The following ABCA9 variants were observed in gnomAD, a reference collection of about 807,000 sequenced individuals.
ABCA9 encodes the protein ATP-binding cassette sub-family A member 9.
A neutral mutation model predicts 205.3 loss-of-function variants in ABCA9; 183 were observed. That is an observed-to-expected ratio of 0.89 (90% CI 0.79 to 1.01). The LOEUF (loss-of-function observed/expected upper bound fraction) is 1.01. Among genes scored for constraint, ABCA9 ranks in the 50% least tolerant of loss-of-function variants. The pLI is 0.00. For synonymous variants in ABCA9, 651 were observed against 683.3 expected, an observed-to-expected ratio of 0.95 and a Z score of 0.74; for missense variants, 1,805 against 1,912.4, an observed-to-expected ratio of 0.94 and a Z score of 1.05.
intron 6 of ABCA9, among the ~76,000 whole-genome samples, chr17:69,041,397 C>A (rs1409316676): frequency 6.6e-6 from 1 of 151,936 alleles, no homozygotes; most frequent in East Asian, 1.9e-4. Flanking sequence ...TTCTATAATT[C>A]TTTGTATATC....
chr17:69,020,870 A>T (rs1362321558), intron 18 of ABCA9: 2 of 296,310 alleles, frequency 6.7e-6, no homozygotes, highest in African/African-American at 2.2e-5. Context: ...AAAAAAACTC[A>T]TTAAGAAATC....
chr17:69,007,650 A>C (rs1316638584), intron 25 of ABCA9, 109 bp downstream of exon 25: 2 of 684,714 alleles, frequency 2.9e-6, no homozygotes, highest in Non-Finnish European at 5.0e-6. Context: ...GAAGAATTAA[A>C]ATTTTCTAGA....
chr17:69,004,216 T>A (rs1382223144), intron 25 of ABCA9, among the ~76,000 whole-genome samples: 1 of 152,188 alleles, frequency 6.6e-6, no homozygotes, highest in Non-Finnish European at 1.5e-5. Flanking sequence ...GTTTCCAGTT[T>A]TTCTGTTCTG....
intron 36 of ABCA9, 94 bp downstream of exon 36, chr17:68,983,615 A>C (rs2069132962): frequency 6.6e-7 from 1 of 1,512,548 alleles, no homozygotes; most frequent in East Asian, 2.3e-5. Flanking sequence ...CATAGAGTTA[A>C]AGAACGAGAA....
At chr17:68,996,237 C>T (rs2144071410) in intron 25 of ABCA9, among the ~76,000 whole-genome samples, 1 of 152,332 alleles carries the variant, frequency 6.6e-6, no homozygotes, top group South Asian at 2.1e-4. Context: ...TTCTCAATCT[C>T]AATGGCATAC....
rs374512087 is a variant in ABCA9, at chr17:68,975,986, C to T, written c.4804G>A (p.Glu1602Lys). ...QVFLELSKEQ[E>K]LGDLEEDFDP... ...AAGTCCTCTTCAAGATCACCCAGCT[C>T]CTGCTCCTTGGAGAGCTCCAGGAAA... is the stretch of plus-strand genomic sequence containing the variant. Residue 1602 changes from glutamate to lysine, a missense_variant, in exon 39 of 39, where the codon GAG (glutamate) becomes AAG (lysine). Coordinates refer to ENST00000340001, the MANE Select transcript of ABCA9 (RefSeq NM_080283.4). The T allele has an allele frequency of 3.7e-6, 6 of 1,613,760 alleles. No homozygotes were observed. The highest frequency in any genetic ancestry group is 3.3e-5 in the South Asian group (3 of 90,998).
At chr17:69,062,021 C>G (rs1253141066), upstream of ABCA9, among the ~76,000 whole-genome samples, 3 of 152,040 alleles carry the variant, frequency 2.0e-5, no homozygotes, top group African/African-American at 7.3e-5. Flanking sequence ...ATTTCCCATT[C>G]TCTCAATATT....
intron 25 of ABCA9, 145 bp from the exon 26 acceptor site, chr17:68,996,159 G>T: frequency 1.3e-6 from 1 of 782,670 alleles, no homozygotes; most frequent in African/African-American, 1.7e-5. Flanking sequence ...TCTTTCCTTT[G>T]CAACATGGAA....
intron 6 of ABCA9, among the ~76,000 whole-genome samples, chr17:69,038,904 A>C (rs1301940888): frequency 6.6e-6 from 1 of 152,094 alleles, no homozygotes; most frequent in African/African-American, 2.4e-5. Context: ...ACAATCACAA[A>C]CATTCCTATA....
At chr17:69,010,826 A>G (rs945401397) in intron 23 of ABCA9, among the ~76,000 whole-genome samples, 3 of 152,200 alleles carry the variant, frequency 2.0e-5, no homozygotes, top group African/African-American at 4.8e-5. Flanking sequence ...GATAATGCGA[A>G]AATTTTATGC....
Position 69,021,816 on chromosome 17 carries a change from T to C in ABCA9, c.2327A>G (p.Asp776Gly). ...LDRCSNQGIE[D>G]YGVSITTLNE... The stretch of plus-strand genomic sequence containing the variant: ...CAAAGTTGTTATGGAAACACCATAA[T>C]CCTCAATGCCTTGGTTAGAACATCT... Residue 776 changes from aspartate (D) to glycine (G), a missense_variant, in exon 18 of 39, where the codon GAT (aspartate) becomes GGT (glycine). Coordinates refer to ENST00000340001, the MANE Select transcript of ABCA9 (RefSeq NM_080283.4). 1 of 1,596,054 alleles carries C rather than the reference T, an allele frequency of 6.3e-7. No individual in the cohort carries two copies.
rs1471487448 is a variant in ABCA9, at chr17:69,035,400, A to G, written c.974T>C (p.Ile325Thr). 1.9e-6 allele frequency: 3 copies of G among 1,601,768 alleles called. No individual in the cohort carries two copies. The highest frequency in any genetic ancestry group is 2.7e-5 in the African/African-American group (2 of 74,438). The change falls in exon 8 of 39, where the codon ATA (isoleucine) becomes ACA (threonine). Residue 325 changes from isoleucine to threonine, a missense_variant. Transcript: ENST00000340001. ...ITLAFLMSVL[I>T]KKPFLTGLVV... ...CAAGCCCGTAAGGAAAGGTTTCTTTATCAACACACTCATCAGGAAAGCTAA... is the reference window on the plus strand; with the variant it reads ...CAAGCCCGTAAGGAAAGGTTTCTTTGTCAACACACTCATCAGGAAAGCTAA...
Position 69,026,358 on chromosome 17 carries a change from C to T in ABCA9, c.2141+19G>A, listed in dbSNP as rs752169307. 8.7e-6 allele frequency: 14 copies of T among 1,602,190 alleles called. No individual in the cohort carries two copies. Among genetic ancestry groups the T allele is most frequent in the Admixed American group, 6.8e-5 (4 of 59,150 alleles). ...ATTTTCAGCATCTGTCAACACGTCT[C>T]CAACATTCAGGGCTGTACCTTAAAT... On this transcript the variant is annotated intron_variant, in intron 16 of 38. Coordinates refer to ENST00000340001, the MANE Select transcript of ABCA9 (RefSeq NM_080283.4).
chr17:69,060,997 G>A (rs990814089), upstream of ABCA9: 13 of 985,416 alleles, frequency 1.3e-5, no homozygotes, highest in African/African-American at 2.1e-4. Flanking sequence ...ATTGTGAATA[G>A]TTCTGTTTTA....
At position 69,016,436 on chromosome 17, in the gene ABCA9, C is replaced by A. The variant is rs750109391; in HGVS notation, c.2902-46G>T. The A allele has an allele frequency of 1.7e-5, 25 of 1,499,854 alleles. 1 individual carries two copies. In the Admixed American group the frequency reaches 3.1e-4, roughly 18 times the overall value. The allele number at this position is 1,499,854 out of a possible 1,614,324, so 92.9% of individuals were successfully genotyped here. Reference sequence around the variant, plus strand: ...ATTCGAAGTCTTCATAAAGCAAAGACAAAATTTAATGAGTGAACATGTTAG... The same window carrying A: ...ATTCGAAGTCTTCATAAAGCAAAGAAAAAATTTAATGAGTGAACATGTTAG... On this transcript the variant is annotated intron_variant, in intron 21 of 38. Coordinates refer to ENST00000340001, the MANE Select transcript of ABCA9 (RefSeq NM_080283.4).
chr17:69,067,995 G>A, the ABCA9 span, among the ~76,000 whole-genome samples: 3 of 152,160 alleles, frequency 2.0e-5, no homozygotes, highest in East Asian at 5.8e-4. Context: ...AGGAAATCTA[G>A]GCCCCACTCC....
intron 25 of ABCA9, among the ~76,000 whole-genome samples, chr17:68,998,303 T>C (rs2069706136): frequency 6.6e-6 from 1 of 152,250 alleles, no homozygotes; most frequent in Non-Finnish European, 1.5e-5. Context: ...AAACGTTTAC[T>C]TCCACATTTT....
chr17:68,995,589 T>G (rs1459119413), intron 26 of ABCA9, among the ~76,000 whole-genome samples: 1 of 152,066 alleles, frequency 6.6e-6, no homozygotes, highest in East Asian at 1.9e-4. Flanking sequence ...ACCTAACATA[T>G]CCAAAACTTA....
At chr17:69,010,484 A>G (rs1438564016) in intron 23 of ABCA9, among the ~76,000 whole-genome samples, 2 of 152,126 alleles carry the variant, frequency 1.3e-5, no homozygotes, top group African/African-American at 2.4e-5. Context: ...GGAAAGGTAG[A>G]GAGATAAACA....
Sources: allele counts gnomAD v4.1 joint callset (sites outside exome capture counted in the v4.1 genomes callset), GRCh38; gene constraint gnomAD v4.1.1; transcripts MANE v1.5; gene names NCBI Gene and HGNC (gene_info 2026-07-23, HGNC 2026-07-21).